Variants in ADGRG3 observed in about 807,000 individuals in gnomAD.
ADGRG3 encodes G protein-coupled receptor 97.
Under a neutral mutation model 54.3 loss-of-function variants are expected in ADGRG3, and 39 were observed. That is an observed-to-expected ratio of 0.72 (90% CI 0.56 to 0.94). The LOEUF (loss-of-function observed/expected upper bound fraction) is 0.94, where lower values mean the gene tolerates loss of function less well. Ranked by LOEUF, ADGRG3 falls within the 40% of genes least tolerant of loss-of-function variation. ADGRG3 has a pLI of 0.00. For missense variants in ADGRG3, 654 were observed against 694.6 expected, an observed-to-expected ratio of 0.94 and a Z score of 0.66; for synonymous variants, 312 against 290.0, an observed-to-expected ratio of 1.08 and a Z score of -0.77.
Position 57,679,265 on chromosome 16 carries a change from T to C in ADGRG3, c.581T>C (p.Leu194Pro). 1 of 1,614,042 alleles carries C rather than the reference T, an allele frequency of 6.2e-7. No homozygotes were observed. The highest frequency in any genetic ancestry group is 1.3e-5 in the African/African-American group (1 of 75,006). Residue 194 changes from leucine to proline, a missense_variant, in exon 5 of 12, where the codon CTG becomes CCG. Leu to Pro is a moderately conservative substitution (Grantham distance 98). Coordinates refer to ENST00000333493, the MANE Select transcript of ADGRG3 (RefSeq NM_170776.5). Reference sequence around the variant, plus strand: ...GTGGGACAAATGCATGTCACCAAGCTGGCTGAGCCTCTGGAGATCGTCTTC... The same window carrying C: ...GTGGGACAAATGCATGTCACCAAGCCGGCTGAGCCTCTGGAGATCGTCTTC... The part of the protein sequence containing the change: ...LSVGQMHVTK[L>P]AEPLEIVFSH...
At chr16:57,678,577 G>A (rs2048306418) in intron 4 of ADGRG3, 1 of 537,146 alleles carries the variant, frequency 1.9e-6, no homozygotes, top group Middle Eastern at 5.0e-4. Context: ...GTGTCCTGTG[G>A]GTGCTCGTGT....
Position 57,679,208 on chromosome 16 carries a change from G to A in ADGRG3, c.524G>A (p.Gly175Asp), listed in dbSNP as rs147075996. ...GPRLGLGDGS[G>D]VLNNRLVGLS... ...CGGCTCGGCCTGGGAGATGGCAGCG[G>A]CGTGTTGAACAATCGCCTGGTGGGT... is the stretch of plus-strand genomic sequence containing the variant. The change falls in exon 5 of 12, where the codon GGC becomes GAC. Residue 175 changes from glycine to aspartate, a missense_variant. By Grantham distance (94) the Gly-to-Asp change is moderately conservative. Transcript: ENST00000333493. 8.7e-6 allele frequency: 14 copies of A among 1,613,872 alleles called. No individual in the cohort carries two copies. In the African/African-American group the frequency reaches 9.3e-5, roughly 11 times the overall value.
chr16:57,688,041 A>G (rs2048507548), intron 11 of ADGRG3, among the ~76,000 whole-genome samples: 1 of 152,172 alleles, frequency 6.6e-6, no homozygotes, highest in Non-Finnish European at 1.5e-5. Context: ...TGCCTCCCAT[A>G]ATAATCCTTT....
chr16:57,682,561 G>A (rs2148710716), intron 8 of ADGRG3: 3 of 985,458 alleles, frequency 3.0e-6, no homozygotes, highest in Non-Finnish European at 3.6e-6. Context: ...TGGACCCTGT[G>A]AGCGGGGCTT....
intron 8 of ADGRG3, among the ~76,000 whole-genome samples, chr16:57,681,685 C>G (rs1736418063): frequency 7.1e-6 from 1 of 139,926 alleles, no homozygotes; most frequent in South Asian, 2.3e-4. Context: ...GAGATCACAC[C>G]ATTGCACTCC....
At chr16:57,667,355 C>T (rs1342408423), upstream of ADGRG3, among the ~76,000 whole-genome samples, 1 of 152,240 alleles carries the variant, frequency 6.6e-6, no homozygotes, top group Non-Finnish European at 1.5e-5. Flanking sequence ...TGGCCATGGC[C>T]TCATGCACAG....
chr16:57,667,416 C>A (rs1010865485), upstream of ADGRG3, among the ~76,000 whole-genome samples: 1 of 152,262 alleles, frequency 6.6e-6, no homozygotes, highest in Admixed American at 6.5e-5. Context: ...GCCCTAATTC[C>A]TTTAGGCTGA....
rs1392745035 is a variant in ADGRG3, at chr16:57,688,410, C to G, written c.1599C>G (p.Val533=). 1 of 1,613,520 alleles carries G rather than the reference C, an allele frequency of 6.2e-7. No homozygotes were observed. The highest frequency in any genetic ancestry group is 8.5e-7 in the Non-Finnish European group (1 of 1,179,578). Residue 533 remains valine, a synonymous_variant, in exon 12 of 12, where the codon GTC becomes GTG. Coordinates refer to ENST00000333493, the MANE Select transcript of ADGRG3 (RefSeq NM_170776.5). The stretch of plus-strand genomic sequence containing the variant: ...ACCTCCCAAGTCAGAGCACCACAGT[C>G]TCCTCCTCTACTGCAAGATTGGACC... ...ILYLPSQSTT[V]SSSTARLDQA... is the part of the protein sequence containing the mutation.
At chr16:57,683,869 G>T (rs1190081982) in intron 8 of ADGRG3, 63 bp from the exon 9 acceptor site, 1 of 1,402,618 alleles carries the variant, frequency 7.1e-7, no homozygotes, top group South Asian at 1.4e-5. Context: ...ACAGGCTTGG[G>T]TGCCTCATGG....
chr16:57,673,047 GA>G (rs2048189767), intron 1 of ADGRG3, among the ~76,000 whole-genome samples: 1 of 152,182 alleles, frequency 6.6e-6, no homozygotes, highest in South Asian at 2.1e-4. Flanking sequence ...ACAAACATAT[GA>G]AACCTTTTAT....
At chr16:57,682,733 C>T in intron 8 of ADGRG3, 1 of 692,350 alleles carries the variant, frequency 1.4e-6, no homozygotes, top group Non-Finnish European at 1.8e-6. Context: ...GTGGGGGCTC[C>T]AGAGAGAGGG....
intron 3 of ADGRG3, 132 bp downstream of exon 3, chr16:57,676,470 G>A: frequency 1.3e-6 from 1 of 790,694 alleles, no homozygotes; most frequent in East Asian, 2.6e-5. Context: ...AATTGGCAGA[G>A]CTGCGTCTGT....
intron 2 of ADGRG3, chr16:57,674,504 C>A (rs8051879): frequency 2.3e-6 from 1 of 429,934 alleles, no homozygotes; most frequent in African/African-American, 2.0e-5. Flanking sequence ...TAAAGCCCTG[C>A]GCTCTCAGGC....
chr16:57,683,832 G>A lies in ADGRG3; in HGVS notation c.882-100G>A, dbSNP rs566088470. On this transcript the variant is annotated intron_variant, in intron 8 of 11. Coordinates refer to ENST00000333493, the MANE Select transcript of ADGRG3 (RefSeq NM_170776.5). Reference sequence around the variant, plus strand: ...GAGCAGGCAGGAGCTGGCAGTGGGGGTGGAGAGCCATAGGCTATTGGGGTG... The same window carrying A: ...GAGCAGGCAGGAGCTGGCAGTGGGGATGGAGAGCCATAGGCTATTGGGGTG... 78 of 887,468 alleles carry A rather than the reference G, an allele frequency of 8.8e-5. No homozygotes were observed. In the African/African-American group the frequency reaches 1.0e-3, roughly 12 times the overall value. 55.0% of individuals were successfully genotyped at this position (887,468 alleles called of 1,614,324 possible). A position where few individuals can be genotyped will look rare whatever the true frequency, so the allele number is the denominator to read the frequency against.
At chr16:57,667,559 G>C (rs1237233668), upstream of ADGRG3, among the ~76,000 whole-genome samples, 3 of 152,258 alleles carry the variant, frequency 2.0e-5, no homozygotes, top group African/African-American at 7.2e-5. Flanking sequence ...CGTCATCCAT[G>C]ATTTCATCAC....
At chr16:57,674,927 T>G in intron 2 of ADGRG3, among the ~76,000 whole-genome samples, 1 of 124,292 alleles carries the variant, frequency 8.0e-6, no homozygotes, top group African/African-American at 3.2e-5. Flanking sequence ...ACCCAGGAGG[T>G]AAAGGTTGCA....
At position 57,673,489 on chromosome 16, in the gene ADGRG3, G is replaced by A. The variant is rs368706786; in HGVS notation, c.206+21G>A. The A allele has an allele frequency of 3.8e-6, 6 of 1,586,156 alleles. No homozygotes were observed. The African/African-American group carries it at 5.4e-5, about 14-fold the overall frequency. On this transcript the variant is annotated intron_variant, in intron 2 of 11. Transcript: ENST00000333493. ...CAGAGGTGAGGGGGCCCCCTGAGCT[G>A]GAGGGGGAATCTGAAGCTGCTGGGA...
At chr16:57,674,800 A>G (rs1490533656) in intron 2 of ADGRG3, among the ~76,000 whole-genome samples, 1 of 149,792 alleles carries the variant, frequency 6.7e-6, no homozygotes, top group African/African-American at 2.5e-5. Context: ...CCTGGCCAAC[A>G]TGGTGAAACC....
At position 57,679,428 on chromosome 16, in the gene ADGRG3, G is replaced by A. The variant is rs536543565; in HGVS notation, c.627+117G>A. ...ATCTGTCCCCTACCCTTCCACAGTCGCCCAGGAGGAGCCATTAGGGCCATA... is the reference window on the plus strand; with the variant it reads ...ATCTGTCCCCTACCCTTCCACAGTCACCCAGGAGGAGCCATTAGGGCCATA... On this transcript the variant is annotated intron_variant, in intron 5 of 11. Transcript: ENST00000333493. 2.3e-4 allele frequency: 270 copies of A among 1,175,460 alleles called. 1 individual carries two copies. The highest frequency in any genetic ancestry group is 1.1e-3 in the South Asian group (82 of 72,692). 72.8% of individuals were successfully genotyped at this position (1,175,460 alleles called of 1,614,324 possible).
Sources: gnomAD v4.1 joint callset for allele counts (sites outside exome capture counted in the v4.1 genomes callset) on GRCh38, gnomAD v4.1.1 for gene constraint, MANE v1.5 for transcripts, NCBI Gene and HGNC (gene_info 2026-07-23, HGNC 2026-07-21) for gene names.